ASIC2: variants seen among roughly 807,000 people sequenced by gnomAD.
ASIC2 encodes acid-sensing ion channel 2.
A neutral mutation model predicts 57.3 loss-of-function variants in ASIC2; 25 were observed. The ratio of observed to expected loss-of-function variants is 0.44; its 90% CI spans 0.32 to 0.61. The LOEUF is 0.61. Among genes scored for constraint, ASIC2 ranks in the 20% least tolerant of loss-of-function variants. The pLI is 0.06. For missense variants in ASIC2, 641 were observed against 738.1 expected, an observed-to-expected ratio of 0.87 and a Z score of 1.52; for synonymous variants, 319 against 307.5, an observed-to-expected ratio of 1.04 and a Z score of -0.39.
chr17:33,737,510 A>G (rs761633859), intron 1 of ASIC2, among the ~76,000 whole-genome samples: 68 of 151,146 alleles, frequency 4.5e-4, no homozygotes, highest in Non-Finnish European at 7.5e-4. Flanking sequence ...TTTAAATCTC[A>G]ATCTAGTTCA....
rs1910336284 is a variant in ASIC2, at chr17:33,748,673, T to C, written c.555+407305A>G. Reference sequence around the variant, plus strand: ...GGGATTCCTTCCACCTCCCACCTTCTGGGCCACATGAGAATAGAAGCTGCC... The same window carrying C: ...GGGATTCCTTCCACCTCCCACCTTCCGGGCCACATGAGAATAGAAGCTGCC... On this transcript the variant is annotated intron_variant, in intron 1 of 9. Transcript: ENST00000359872. Among the ~76,000 whole-genome samples, 3 of 152,186 alleles carry C rather than the reference T, an allele frequency of 2.0e-5. No homozygotes were observed. In the South Asian group the frequency reaches 6.2e-4, roughly 32 times the overall value.
chr17:33,266,422 C>T (rs926695805), intron 1 of ASIC2, among the ~76,000 whole-genome samples: 1 of 152,204 alleles, frequency 6.6e-6, no homozygotes, highest in Non-Finnish European at 1.5e-5. Context: ...GAATGAAAAA[C>T]AACAGATTCC....
intron 1 of ASIC2, among the ~76,000 whole-genome samples, chr17:33,852,924 G>A (rs903102243): frequency 1.3e-5 from 2 of 152,084 alleles, no homozygotes; most frequent in Non-Finnish European, 2.9e-5. Flanking sequence ...ACCAACACAA[G>A]CACTGCCTGA....
Position 33,845,263 on chromosome 17 carries a change from T to C in ASIC2, c.555+310715A>G, listed in dbSNP as rs527655662. ...TCTTAATTTTTATCTTAGCCTATAG[T>C]AAGACCTTTTTCCATCTCATGGAAA... On this transcript the variant is annotated intron_variant, in intron 1 of 9. Transcript: ENST00000359872. Among the ~76,000 whole-genome samples, 52 of 152,352 alleles carry C rather than the reference T, an allele frequency of 3.4e-4. 1 individual carries two copies. The Middle Eastern group carries it at 0.01, about 30-fold the overall frequency.
chr17:33,038,459 T>C (rs2091917874), intron 3 of ASIC2, among the ~76,000 whole-genome samples: 1 of 152,148 alleles, frequency 6.6e-6, no homozygotes, highest in African/African-American at 2.4e-5. Context: ...AGATCTGGGC[T>C]ACAGACATGA....
intron 1 of ASIC2, among the ~76,000 whole-genome samples, chr17:33,895,024 C>G (rs413980): frequency 0.43 from 65,471 of 151,966 alleles, 14,570 homozygotes; most frequent in African/African-American, 0.52. Context: ...TTTGACGTTG[C>G]GCTGCTGGGT....
rs55878138 is a variant in ASIC2 at position 33,915,556 on chromosome 17, C to T, written c.555+240422G>A. Among the ~76,000 whole-genome samples, 353 of 152,318 alleles carry T rather than the reference C, an allele frequency of 2.3e-3. 3 individuals carry two copies. The highest frequency in any genetic ancestry group is 8.1e-3 in the African/African-American group (336 of 41,560). ...TCTCCTCAAGCTACAGCCCGTTTTT[C>T]TGCTTCTCAATTTTCTCAAATGAGC... On this transcript the variant is annotated intron_variant, in intron 1 of 9. Coordinates refer to the ASIC2 transcript ENST00000359872.
chr17:33,241,853 T>C (rs1908518248), intron 1 of ASIC2, among the ~76,000 whole-genome samples: 1 of 152,234 alleles, frequency 6.6e-6, no homozygotes, highest in Non-Finnish European at 1.5e-5. Flanking sequence ...ACCTGGCAAT[T>C]CTAAGGCAGC....
intron 1 of ASIC2, among the ~76,000 whole-genome samples, chr17:34,074,849 G>T (rs767485586): frequency 6.9e-6 from 1 of 143,966 alleles, no homozygotes; most frequent in East Asian, 2.1e-4. Context: ...GCAGTGACGC[G>T]ATCTCGGCTC....
At chr17:33,353,899 C>A (rs1908277915) in intron 1 of ASIC2, among the ~76,000 whole-genome samples, 1 of 152,162 alleles carries the variant, frequency 6.6e-6, no homozygotes, top group African/African-American at 2.4e-5. Context: ...TTAGCCCATT[C>A]TCTTGCTGTG....
At chr17:33,466,049 T>C (rs2141916102) in intron 1 of ASIC2, among the ~76,000 whole-genome samples, 1 of 152,328 alleles carries the variant, frequency 6.6e-6, no homozygotes, top group Middle Eastern at 3.4e-3. Context: ...ATATGGATTA[T>C]TTGCACTAAC....
chr17:33,910,122 A>G (rs1180791865), intron 1 of ASIC2, among the ~76,000 whole-genome samples: 1 of 152,236 alleles, frequency 6.6e-6, no homozygotes, highest in Non-Finnish European at 1.5e-5. Flanking sequence ...GTTGGCTATT[A>G]ATATTCAAAC....
Position 33,879,334 on chromosome 17 carries a change from C to A in ASIC2, c.555+276644G>T, listed in dbSNP as rs192346329. On this transcript the variant is annotated intron_variant, in intron 1 of 9. Transcript: ENST00000359872. ...TGGCAAATTGGATAAAAAGTCAAGA[C>A]CCATCAGTGTGCTCTATTCAGAAGA... is the stretch of plus-strand genomic sequence containing the variant. 2.2e-3 allele frequency among the ~76,000 whole-genome samples: 340 copies of A among 152,288 alleles called. 2 individuals are homozygous for A. The highest frequency in any genetic ancestry group is 7.9e-3 in the African/African-American group (330 of 41,550).
intron 1 of ASIC2, among the ~76,000 whole-genome samples, chr17:33,303,994 C>A (rs138150203): frequency 1.2e-3 from 187 of 152,244 alleles, no homozygotes; most frequent in African/African-American, 4.1e-3. Context: ...AAGGAAATAA[C>A]CTCAAAGCAA....
intron 1 of ASIC2, among the ~76,000 whole-genome samples, chr17:33,266,891 A>C (rs1257310990): frequency 6.6e-6 from 1 of 152,152 alleles, no homozygotes; most frequent in Non-Finnish European, 1.5e-5. Context: ...AGAACAGCAG[A>C]GTGAGGTGGG....
chr17:33,966,842 T>A (rs1905089100), intron 1 of ASIC2, among the ~76,000 whole-genome samples: 1 of 152,262 alleles, frequency 6.6e-6, no homozygotes, highest in Non-Finnish European at 1.5e-5. Flanking sequence ...TCTGGAAATG[T>A]GCTTTGCACT....
At chr17:33,492,488 T>A (rs1298294067) in intron 1 of ASIC2, among the ~76,000 whole-genome samples, 2 of 152,226 alleles carry the variant, frequency 1.3e-5, no homozygotes, top group Non-Finnish European at 2.9e-5. Context: ...GTCCTTCAGT[T>A]TGACATTATC....
intron 3 of ASIC2, among the ~76,000 whole-genome samples, chr17:33,058,632 AC>A (rs2092007989): frequency 6.6e-6 from 1 of 152,050 alleles, no homozygotes; most frequent in African/African-American, 2.4e-5. Context: ...CTGTCCAGTA[AC>A]CATCTATCTT....
chr17:33,205,512 T>C (rs1352306332), intron 1 of ASIC2, among the ~76,000 whole-genome samples: 2 of 152,200 alleles, frequency 1.3e-5, no homozygotes, highest in Non-Finnish European at 2.9e-5. Context: ...AAACACAGTG[T>C]TCAACATATC....
Sources: gnomAD v4.1 joint callset for allele counts (sites outside exome capture counted in the v4.1 genomes callset) on GRCh38, gnomAD v4.1.1 for gene constraint, MANE v1.5 for transcripts, NCBI Gene and HGNC (gene_info 2026-07-23, HGNC 2026-07-21) for gene names.